GPR107: variants seen among roughly 807,000 people sequenced by gnomAD.
GPR107 encodes the protein protein GPR107.
In GPR107, 31 loss-of-function variants were observed where a neutral mutation model predicts 75.5. The ratio of observed to expected loss-of-function variants is 0.41; its 90% CI spans 0.31 to 0.55. The LOEUF is 0.55. Ranked by LOEUF, GPR107 falls within the 20% of genes least tolerant of loss-of-function variation. GPR107 has a pLI of 0.26. For missense variants in GPR107, 572 were observed against 665.7 expected (o/e 0.86, Z 1.55); for synonymous variants, 267 against 251.3 (o/e 1.06, Z -0.59).
intron 6 of GPR107, among the ~76,000 whole-genome samples, chr9:130,084,378 A>C (rs1830565678): frequency 6.7e-6 from 1 of 149,652 alleles, no homozygotes; most frequent in Non-Finnish European, 1.5e-5. Flanking sequence ...AGCCTGGGTG[A>C]CAGAGTGAGA....
In GPR107 at chr9:130,107,592, G is replaced by T; in HGVS notation, c.1306+53G>T. 2.6e-6 allele frequency: 3 copies of T among 1,161,910 alleles called. No homozygotes were observed. The South Asian group carries it at 3.7e-5, about 14-fold the overall frequency. 72.0% of individuals were successfully genotyped at this position (1,161,910 alleles called of 1,614,324 possible). On this transcript the variant is annotated intron_variant, in intron 14 of 17. Coordinates refer to ENST00000347136, the MANE Select transcript of GPR107 (RefSeq NM_020960.5). ...TGCTCAGCTTGCTCTGAACCCACGT[G>T]CTGCGGCACTGCGGAGGAGTGGAGG... is the stretch of plus-strand genomic sequence containing the variant.
At chr9:130,062,664 T>TGCCTG (rs1564657740) in intron 1 of GPR107, among the ~76,000 whole-genome samples, 7 of 75,756 alleles carry the variant, frequency 9.2e-5, no homozygotes, top group African/African-American at 3.3e-4. Context: ...CTGCCTGCCT[T>TGCCTG]CCTTCCTTCC....
intron 8 of GPR107, 33 bp downstream of exon 8, chr9:130,091,016 T>G: frequency 1.1e-6 from 1 of 885,048 alleles, no homozygotes. Flanking sequence ...TCTACGTGGA[T>G]TTTGTCAGCA....
intron 13 of GPR107, among the ~76,000 whole-genome samples, chr9:130,106,772 A>G (rs893743728): frequency 6.6e-6 from 1 of 151,876 alleles, no homozygotes; most frequent in African/African-American, 2.4e-5. Context: ...AGGATTTAGG[A>G]AGAGTAATTG....
At chr9:130,063,047 C>T (rs147554339) in intron 1 of GPR107, among the ~76,000 whole-genome samples, 6 of 152,250 alleles carry the variant, frequency 3.9e-5, no homozygotes, top group East Asian at 1.9e-4. Flanking sequence ...CAATGTCTGG[C>T]GTATTTGAAC....
chr9:130,057,598 G>A (rs1265786505), intron 1 of GPR107, among the ~76,000 whole-genome samples: 1 of 151,172 alleles, frequency 6.6e-6, no homozygotes, highest in Admixed American at 6.6e-5. Flanking sequence ...GAACTCCCAT[G>A]TGCCTGTCAC....
intron 5 of GPR107, among the ~76,000 whole-genome samples, chr9:130,081,561 T>C (rs1176158458): frequency 1.3e-5 from 2 of 151,734 alleles, no homozygotes; most frequent in African/African-American, 4.8e-5. Context: ...TGATCTCAGC[T>C]ACTCAGGAGA....
intron 15 of GPR107, 111 bp downstream of exon 15, chr9:130,125,075 G>A (rs1564685123): frequency 2.4e-6 from 1 of 419,160 alleles, no homozygotes; most frequent in Non-Finnish European, 4.2e-6. Flanking sequence ...ACCTGGAGCT[G>A]AGCAGTGTGG....
At chr9:130,093,331 T>C (rs1830786594) in intron 9 of GPR107, among the ~76,000 whole-genome samples, 1 of 152,224 alleles carries the variant, frequency 6.6e-6, no homozygotes, top group Non-Finnish European at 1.5e-5. Flanking sequence ...AATATTCATT[T>C]AGAGAATCGT....
intron 14 of GPR107, among the ~76,000 whole-genome samples, chr9:130,114,026 A>C (rs894792751): frequency 1.3e-5 from 1 of 75,406 alleles, no homozygotes; most frequent in African/African-American, 4.9e-5. Context: ...TGGTCTTCTC[A>C]TTCTTTTTTT....
intron 1 of GPR107, among the ~76,000 whole-genome samples, chr9:130,061,871 TAGGCCAGTG>T (rs925382568): frequency 6.0e-5 from 9 of 150,982 alleles, no homozygotes; most frequent in African/African-American, 1.2e-4. Context: ...TTGAACCTGG[TAGGCCAGTG>T]AGGCCAGTGA....
chr9:130,063,352 G>A (rs1034225745), intron 1 of GPR107, among the ~76,000 whole-genome samples: 1 of 151,984 alleles, frequency 6.6e-6, no homozygotes, highest in Admixed American at 6.6e-5. Flanking sequence ...CACCACATCC[G>A]GCAAATTTTT....
chr9:130,132,438 A>G (rs1168526164), intron 17 of GPR107, among the ~76,000 whole-genome samples: 1 of 151,014 alleles, frequency 6.6e-6, no homozygotes, highest in Non-Finnish European at 1.5e-5. Flanking sequence ...TCCTGTGTCC[A>G]CCCTGGTTCT....
chr9:130,071,492 G>T lies in GPR107; in HGVS notation c.142-4144G>T, dbSNP rs147302831. 5.6e-4 allele frequency among the ~76,000 whole-genome samples: 85 copies of T among 152,016 alleles called. No homozygotes were observed. In the East Asian group the frequency reaches 0.01, roughly 18 times the overall value. ...ATTAGCTATAGTCTGCTTGGCCTCA[G>T]GTAGTCATTTCTCCTCTGAACTGGT... On this transcript the variant is annotated intron_variant, in intron 1 of 17. Transcript: ENST00000347136.
intron 9 of GPR107, 67 bp downstream of exon 9, chr9:130,092,448 C>T: frequency 7.4e-7 from 1 of 1,355,790 alleles, no homozygotes; most frequent in Non-Finnish European, 1.1e-6. Flanking sequence ...TTTGTTGGCT[C>T]CTGAACCTGG....
At chr9:130,077,025 C>G (rs907376115) in intron 3 of GPR107, among the ~76,000 whole-genome samples, 5 of 151,930 alleles carry the variant, frequency 3.3e-5, no homozygotes, top group African/African-American at 1.2e-4. Flanking sequence ...GTAGCTGGGA[C>G]TGCAGGTGCC....
rs1831000298 is a variant in GPR107 at position 130,100,573 on chromosome 9, C to A, written c.940-56C>A. 4 of 1,231,888 alleles carry A rather than the reference C, an allele frequency of 3.2e-6. No individual in the cohort carries two copies. In the Admixed American group the frequency reaches 5.1e-5, roughly 16 times the overall value. The allele number at this position is 1,231,888 out of a possible 1,614,324, so 76.3% of individuals were successfully genotyped here. A position where few individuals can be genotyped will look rare whatever the true frequency, so the allele number is the denominator to read the frequency against. ...CCAAATGGGTCCAAGTTAAAAGATTCTTTGTGGAGCCATGTAGATAATGAG... is the reference window on the plus strand; with the variant it reads ...CCAAATGGGTCCAAGTTAAAAGATTATTTGTGGAGCCATGTAGATAATGAG... On this transcript the variant is annotated intron_variant, in intron 10 of 17. Transcript: ENST00000347136.
chr9:130,082,474 CTTTTTTTTT>C (rs6151190), intron 5 of GPR107, among the ~76,000 whole-genome samples: 1 of 126,246 alleles, frequency 7.9e-6, no homozygotes, highest in African/African-American at 3.0e-5. Flanking sequence ...AAAAGAATAT[CTTTTTTTTT>C]TTTTTTTTTT....
rs1213124547 is a variant in GPR107 at position 130,137,841 on chromosome 9, CAA to C, written c.*2725_*2726del. 5 of 152,176 alleles carry C rather than the reference CAA, an allele frequency of 3.3e-5. No homozygotes were observed. The highest frequency in any genetic ancestry group is 1.2e-4 in the African/African-American group (5 of 41,442). 9.4% of individuals were successfully genotyped at this position (152,176 alleles called of 1,614,324 possible). A position where few individuals can be genotyped will look rare whatever the true frequency, so the allele number is the denominator to read the frequency against. On this transcript the variant is annotated 3_prime_UTR_variant, in exon 18 of 18. Transcript: ENST00000347136. ...AGCCCTTGCAGTATTTCAGATCGGG[CAA>C]AAAATATCGGATGCACATAGCAGAA...
Sources: allele counts gnomAD v4.1 joint callset (sites outside exome capture counted in the v4.1 genomes callset), GRCh38; gene constraint gnomAD v4.1.1; transcripts MANE v1.5; gene names NCBI Gene and HGNC (gene_info 2026-07-23, HGNC 2026-07-21).